Variants in HDX observed in about 807,000 individuals in gnomAD.
HDX encodes chromosome X open reading frame 43.
A neutral mutation model predicts 45.2 loss-of-function variants in HDX; 19 were observed. That is an observed-to-expected ratio of 0.42 (90% confidence interval 0.29 to 0.62). HDX has a LOEUF of 0.62. Ranked by LOEUF, HDX falls within the 20% of genes least tolerant of loss-of-function variation. HDX has a pLI of 0.20. For synonymous variants in HDX, 188 were observed against 172.8 expected, an observed-to-expected ratio of 1.09 and a Z score of -0.69; for missense variants, 532 against 493.9, an observed-to-expected ratio of 1.08 and a Z score of -0.73.
intron 4 of HDX, among the ~76,000 whole-genome samples, chrX:84,463,424 T>A (rs1304417986): frequency 9.0e-6 from 1 of 111,014 alleles, no homozygotes; most frequent in Non-Finnish European, 1.9e-5. Flanking sequence ...CCACAAGTAA[T>A]AGAGAAAGTT....
At chrX:84,500,873 C>T (rs771641534) in intron 1 of HDX, among the ~76,000 whole-genome samples, 2 of 110,946 alleles carry the variant, frequency 1.8e-5, no homozygotes, top group African/African-American at 6.6e-5. Context: ...AATAAGGGGC[C>T]AAGAATATGT....
chrX:84,440,687 C>A, intron 4 of HDX, 102 bp from the exon 5 acceptor site: 2 of 495,510 alleles, frequency 4.0e-6, no homozygotes, highest in South Asian at 3.4e-5. Context: ...GATAAATCTG[C>A]ATTCAGAACA....
chrX:84,427,114 TA>T (rs2039400774), intron 5 of HDX, among the ~76,000 whole-genome samples: 1 of 110,494 alleles, frequency 9.1e-6, no homozygotes, highest in African/African-American at 3.3e-5. Context: ...ATATTGTACA[TA>T]TTTTTTATCA....
intron 1 of HDX, among the ~76,000 whole-genome samples, chrX:84,498,370 A>G: frequency 9.0e-6 from 1 of 111,727 alleles, no homozygotes; most frequent in Admixed American, 9.5e-5. Context: ...AGGTATTAGG[A>G]TATCAGTGAT....
At position 84,362,914 on chromosome X, in the gene HDX, G is replaced by A. The variant is rs768105671; in HGVS notation, c.1306-1302C>T. On this transcript the variant is annotated intron_variant, in intron 5 of 10. Coordinates refer to ENST00000373177, the MANE Select transcript of HDX (RefSeq NM_001177479.2). ...AAGCATGTTTCTTTTAAAGTTACAA[G>A]CTTTTGAATAGTAAATTCAGCCACC... 2.4e-4 allele frequency among the ~76,000 whole-genome samples: 27 copies of A among 111,493 alleles called. No individual in the cohort carries two copies. The South Asian group carries it at 9.6e-3, about 40-fold the overall frequency.
intron 4 of HDX, among the ~76,000 whole-genome samples, chrX:84,452,335 A>G (rs1208721759): frequency 9.0e-6 from 1 of 111,468 alleles, no homozygotes; most frequent in Non-Finnish European, 1.9e-5. Context: ...TCAACATATT[A>G]TAATAAGTAG....
At chrX:84,489,221 T>C (rs1190421403) in intron 1 of HDX, among the ~76,000 whole-genome samples, 1 of 111,475 alleles carries the variant, frequency 9.0e-6, no homozygotes, top group Non-Finnish European at 1.9e-5. Context: ...ATGGCTATTT[T>C]ATTTCACACA....
intron 5 of HDX, among the ~76,000 whole-genome samples, chrX:84,416,038 A>G (rs1464505257): frequency 8.9e-6 from 1 of 111,884 alleles, no homozygotes; most frequent in Non-Finnish European, 1.9e-5. Flanking sequence ...TTAAAACAAT[A>G]TTACTTTCAG....
rs145160695 is a variant in HDX at position 84,392,426 on chromosome X, G to A, written c.1306-30814C>T. On this transcript the variant is annotated intron_variant, in intron 5 of 10. Transcript: ENST00000373177. Reference sequence around the variant, plus strand: ...CCCCATTTGTTCCATGCAAATTTTAGGATTCATTTTTTCTAATTATGTGAA... The same window carrying A: ...CCCCATTTGTTCCATGCAAATTTTAAGATTCATTTTTTCTAATTATGTGAA... Among the ~76,000 whole-genome samples the A allele has an allele frequency of 8.5e-3, 941 of 110,709 alleles. 10 individuals carry two copies. The highest frequency in any genetic ancestry group is 0.03 in the African/African-American group (902 of 30,530).
intron 6 of HDX, among the ~76,000 whole-genome samples, chrX:84,356,382 G>A (rs935364645): frequency 5.4e-5 from 6 of 111,177 alleles, no homozygotes; most frequent in African/African-American, 1.6e-4. Flanking sequence ...ATAGTAAACA[G>A]TTCCTTATTC....
chrX:84,409,393 A>C (rs2038925648), intron 5 of HDX, among the ~76,000 whole-genome samples: 3 of 111,259 alleles, frequency 2.7e-5, no homozygotes, highest in African/African-American at 9.8e-5. Flanking sequence ...AAAGGATTAT[A>C]AATCATGCTG....
At chrX:84,423,908 A>G (rs932361990) in intron 5 of HDX, among the ~76,000 whole-genome samples, 6 of 111,736 alleles carry the variant, frequency 5.4e-5, no homozygotes, top group Admixed American at 9.5e-5. Context: ...AACATGTTGA[A>G]TATAACAAAG....
chrX:84,354,972 T>TAC (rs1555985967), intron 6 of HDX, among the ~76,000 whole-genome samples: 7 of 70,899 alleles, frequency 9.9e-5, no homozygotes, highest in Admixed American at 1.6e-4. Context: ...TATATATATA[T>TAC]ACACATACAT....
chrX:84,415,434 T>C, intron 5 of HDX, among the ~76,000 whole-genome samples: 1 of 111,857 alleles, frequency 8.9e-6, no homozygotes, highest in Non-Finnish European at 1.9e-5. Flanking sequence ...GTTCCTGTTT[T>C]TCCACACTAC....
At chrX:84,491,193 C>G (rs996494842) in intron 1 of HDX, among the ~76,000 whole-genome samples, 1 of 111,795 alleles carries the variant, frequency 8.9e-6, no homozygotes, top group Non-Finnish European at 1.9e-5. Context: ...CATTGGCTCA[C>G]AATTCATTGT....
chrX:84,392,165 A>G (rs1383011834), intron 5 of HDX, among the ~76,000 whole-genome samples: 1 of 111,863 alleles, frequency 8.9e-6, no homozygotes, highest in Non-Finnish European at 1.9e-5. Flanking sequence ...CCATTTATTA[A>G]AGAGACTATC....
chrX:84,354,879 A>G (rs955825616), intron 6 of HDX, among the ~76,000 whole-genome samples: 1 of 99,186 alleles, frequency 1.0e-5, no homozygotes, highest in African/African-American at 3.6e-5. Flanking sequence ...TGGAACTGGG[A>G]ATAATGTTAG....
At chrX:84,416,508 T>C (rs12396576) in intron 5 of HDX, among the ~76,000 whole-genome samples, 7,806 of 111,200 alleles carry the variant, frequency 0.07, 320 homozygotes, top group African/African-American at 0.16. Context: ...TATAATTTAT[T>C]ATATGATTAT....
chrX:84,450,051 C>T (rs1331069291), intron 4 of HDX, among the ~76,000 whole-genome samples: 1 of 110,076 alleles, frequency 9.1e-6, no homozygotes, highest in Non-Finnish European at 1.9e-5. Context: ...CACATGTATA[C>T]ATATGTAACA....
Sources: gnomAD v4.1 joint callset for allele counts (sites outside exome capture counted in the v4.1 genomes callset) on GRCh38, gnomAD v4.1.1 for gene constraint, MANE v1.5 for transcripts, NCBI Gene and HGNC (gene_info 2026-07-23, HGNC 2026-07-21) for gene names.